Variants in LY96 observed in about 807,000 individuals in gnomAD.
LY96 encodes myeloid differentiation protein-2.
Under a neutral mutation model 18.9 loss-of-function variants are expected in LY96, and 18 were observed. The ratio of observed to expected loss-of-function variants is 0.95; its 90% CI spans 0.66 to 1.41. The LOEUF (loss-of-function observed/expected upper bound fraction) is 1.41. Ranked by LOEUF, LY96 falls within the 40% of genes most tolerant of loss-of-function variation. LY96 has a pLI of 0.00. For synonymous variants in LY96, 66 were observed against 62.6 expected, an observed-to-expected ratio of 1.06 and a Z score of -0.26; for missense variants, 175 against 182.4, an observed-to-expected ratio of 0.96 and a Z score of 0.23.
the LY96 span, chr8:74,079,559 T>C: frequency 2.0e-5 from 3 of 152,178 alleles, 1 homozygote; most frequent in South Asian, 6.2e-4. Flanking sequence ...GCAGCATGTG[T>C]ATTAAGATTG....
At chr8:74,026,723 C>A in intron 3 of LY96, 66 bp from the exon 4 acceptor site, 1 of 875,896 alleles carries the variant, frequency 1.1e-6, no homozygotes, top group Non-Finnish European at 1.9e-6. Context: ...ATACTCCATG[C>A]TACCAAGAAA....
At chr8:74,007,528 A>T (rs16938759) in intron 2 of LY96, among the ~76,000 whole-genome samples, 1 of 152,004 alleles carries the variant, frequency 6.6e-6, no homozygotes, top group East Asian at 1.9e-4. Context: ...CCTCATTTCT[A>T]CTTGAATTCA....
the LY96 span, among the ~76,000 whole-genome samples, chr8:74,081,066 T>TC: frequency 8.3e-4 from 99 of 119,512 alleles, no homozygotes; most frequent in East Asian, 1.6e-3. Flanking sequence ...CTTTCTTTCT[T>TC]ACTTTCTTTC....
At chr8:74,017,312 G>T (rs1039055163) in intron 3 of LY96, among the ~76,000 whole-genome samples, 1 of 152,164 alleles carries the variant, frequency 6.6e-6, no homozygotes, top group Non-Finnish European at 1.5e-5. Flanking sequence ...AGTGATTGAA[G>T]ATCAAATTAG....
the LY96 span, among the ~76,000 whole-genome samples, chr8:74,036,553 T>C: frequency 6.6e-6 from 1 of 152,110 alleles, no homozygotes; most frequent in African/African-American, 2.4e-5. Context: ...CACCCAGAGG[T>C]AGACTCAGCT....
chr8:74,051,459 A>ATT, the LY96 span, among the ~76,000 whole-genome samples: 1 of 152,138 alleles, frequency 6.6e-6, no homozygotes, highest in Non-Finnish European at 1.5e-5. Flanking sequence ...ATCCATATAT[A>ATT]CTTCTTAGTA....
At chr8:74,096,055 C>T in the LY96 span, among the ~76,000 whole-genome samples, 1 of 152,218 alleles carries the variant, frequency 6.6e-6, no homozygotes, top group Non-Finnish European at 1.5e-5. Context: ...ATCCCTGACT[C>T]CTCTCTTTTG....
At chr8:74,064,061 T>G in the LY96 span, among the ~76,000 whole-genome samples, 1 of 152,204 alleles carries the variant, frequency 6.6e-6, no homozygotes, top group Non-Finnish European at 1.5e-5. Flanking sequence ...AAGAAGCCAT[T>G]AAAATAATTT....
intron 1 of LY96, among the ~76,000 whole-genome samples, chr8:73,997,342 A>G (rs1816171019): frequency 2.0e-5 from 3 of 152,140 alleles, no homozygotes; most frequent in Admixed American, 1.3e-4. Flanking sequence ...TCTAACACTC[A>G]TGCCACATTT....
the LY96 span, among the ~76,000 whole-genome samples, chr8:74,063,753 A>G: frequency 5.7e-5 from 8 of 141,216 alleles, no homozygotes; most frequent in East Asian, 1.6e-3. Flanking sequence ...CTTAAAATTT[A>G]TATTTTCCCA....
At chr8:74,094,512 C>G in the LY96 span, among the ~76,000 whole-genome samples, 1 of 152,118 alleles carries the variant, frequency 6.6e-6, no homozygotes, top group Admixed American at 6.6e-5. Context: ...CTTTGCAATG[C>G]CTTCTTTTCA....
At chr8:73,995,400 G>A (rs1480271168) in intron 1 of LY96, among the ~76,000 whole-genome samples, 1 of 152,164 alleles carries the variant, frequency 6.6e-6, no homozygotes, top group Non-Finnish European at 1.5e-5. Context: ...TTCTTTGTGT[G>A]TCCAAATTTC....
the LY96 span, among the ~76,000 whole-genome samples, chr8:74,065,073 A>T: frequency 4.6e-5 from 7 of 152,206 alleles, no homozygotes; most frequent in South Asian, 6.2e-4. Flanking sequence ...ATGCCCAGCC[A>T]TGACTTCAAC....
chr8:74,014,333 C>A (rs1331616865), intron 3 of LY96, among the ~76,000 whole-genome samples: 2 of 149,374 alleles, frequency 1.3e-5, no homozygotes, highest in South Asian at 2.1e-4. Flanking sequence ...ATCACTTGCA[C>A]CCAGGAGGTC....
the LY96 span, among the ~76,000 whole-genome samples, chr8:74,040,438 A>G: frequency 6.6e-6 from 1 of 152,076 alleles, no homozygotes; most frequent in Non-Finnish European, 1.5e-5. Flanking sequence ...AGTTTCTTCA[A>G]TGTTTTCTTG....
chr8:74,065,066 C>T, the LY96 span, among the ~76,000 whole-genome samples: 190 of 152,278 alleles, frequency 1.2e-3, 2 homozygotes, highest in East Asian at 0.036. Flanking sequence ...AACTGTGATG[C>T]CCAGCCATGA....
At chr8:74,093,990 A>C in the LY96 span, among the ~76,000 whole-genome samples, 2 of 152,154 alleles carry the variant, frequency 1.3e-5, no homozygotes, top group African/African-American at 4.8e-5. Context: ...TCAAGCAATA[A>C]ATAATATTTT....
the LY96 span, among the ~76,000 whole-genome samples, chr8:74,098,938 A>G: frequency 6.6e-6 from 1 of 152,196 alleles, no homozygotes; most frequent in Non-Finnish European, 1.5e-5. Flanking sequence ...ACTTTATAGA[A>G]CAGGAAAATG....
chr8:74,035,686 A>G, the LY96 span, among the ~76,000 whole-genome samples: 1 of 152,196 alleles, frequency 6.6e-6, no homozygotes, highest in African/African-American at 2.4e-5. Context: ...GATAAAAAAC[A>G]TTTACAATCT....
Sources: gnomAD v4.1 joint callset for allele counts (sites outside exome capture counted in the v4.1 genomes callset) on GRCh38, gnomAD v4.1.1 for gene constraint, MANE v1.5 for transcripts, NCBI Gene and HGNC (gene_info 2026-07-23, HGNC 2026-07-21) for gene names.